STAT3: variants seen among roughly 807,000 people sequenced by gnomAD.
STAT3 encodes signal transducer and activator of transcription 3.
In STAT3, 7 loss-of-function variants were observed where a neutral mutation model predicts 114.3. That is an observed-to-expected ratio of 0.06 (90% CI 0.03 to 0.11). The LOEUF (loss-of-function observed/expected upper bound fraction) is 0.11, where lower values mean the gene tolerates loss of function less well. Ranked by LOEUF, STAT3 falls within the 10% of genes least tolerant of loss-of-function variation. STAT3 has a pLI of 1.00. For missense variants in STAT3, 364 were observed against 960.9 expected (o/e 0.38, Z 8.21); for synonymous variants, 331 against 354.5 (o/e 0.93, Z 0.74).
At chr17:42,348,775 C>T (rs746396363) in intron 1 of STAT3, among the ~76,000 whole-genome samples, 2 of 152,148 alleles carry the variant, frequency 1.3e-5, no homozygotes, top group African/African-American at 2.4e-5. Flanking sequence ...ATCCTCCCAC[C>T]TTGGCCTCCC....
chr17:42,384,372 C>T (rs1165923604), intron 1 of STAT3, among the ~76,000 whole-genome samples: 1 of 152,020 alleles, frequency 6.6e-6, no homozygotes, highest in African/African-American at 2.4e-5. Flanking sequence ...CCTCGTGATC[C>T]GCGCGTCTGG....
At chr17:42,323,836 G>A (rs934175071) in intron 17 of STAT3, among the ~76,000 whole-genome samples, 2 of 152,186 alleles carry the variant, frequency 1.3e-5, no homozygotes, top group African/African-American at 4.8e-5. Context: ...TAGCCCAGCA[G>A]GGATGGAGGG....
intron 1 of STAT3, among the ~76,000 whole-genome samples, chr17:42,381,349 G>A (rs1474104153): frequency 6.6e-6 from 1 of 152,182 alleles, no homozygotes; most frequent in Non-Finnish European, 1.5e-5. Flanking sequence ...GGGGTAGCAG[G>A]AAGGAAAGCC....
chr17:42,368,776 G>A (rs527254384), intron 1 of STAT3, among the ~76,000 whole-genome samples: 2 of 150,054 alleles, frequency 1.3e-5, no homozygotes, highest in East Asian at 3.9e-4. Flanking sequence ...GGGGTTACAC[G>A]TGCAAGTTTG....
chr17:42,353,601 G>T (rs978131368), intron 1 of STAT3, among the ~76,000 whole-genome samples: 1 of 152,074 alleles, frequency 6.6e-6, no homozygotes, highest in South Asian at 2.1e-4. Context: ...TTGAGACAGG[G>T]TCTCTCTCTG....
chr17:42,318,943 C>A (rs2081355707), intron 21 of STAT3, among the ~76,000 whole-genome samples: 1 of 152,178 alleles, frequency 6.6e-6, no homozygotes, highest in Admixed American at 6.5e-5. Flanking sequence ...AATTCTCCAG[C>A]ATTCAAGATA....
chr17:42,385,737 G>C (rs1216082114), intron 1 of STAT3, among the ~76,000 whole-genome samples: 1 of 152,028 alleles, frequency 6.6e-6, no homozygotes, highest in East Asian at 1.9e-4. Context: ...TGACATTTAG[G>C]TCATGACTGT....
chr17:42,332,537 CAAA>C (rs759010924), intron 10 of STAT3, among the ~76,000 whole-genome samples: 3 of 40,784 alleles, frequency 7.4e-5, no homozygotes, highest in African/African-American at 1.3e-4. Flanking sequence ...GACTCCATCT[CAAA>C]AAAAAAAAAA....
chr17:42,322,220 G>T, intron 21 of STAT3, 62 bp downstream of exon 21: 1 of 1,545,412 alleles, frequency 6.5e-7, no homozygotes, highest in Non-Finnish European at 8.9e-7. Context: ...TATCCTCCAA[G>T]GATCCCAAAA....
At chr17:42,318,259 T>C (rs1053420950) in intron 21 of STAT3, among the ~76,000 whole-genome samples, 2 of 152,098 alleles carry the variant, frequency 1.3e-5, no homozygotes, top group Admixed American at 1.3e-4. Context: ...AGTAGCTGGA[T>C]TACAGGCATC....
chr17:42,368,471 G>GT (rs1036053072), intron 1 of STAT3, among the ~76,000 whole-genome samples: 2 of 152,074 alleles, frequency 1.3e-5, no homozygotes, highest in Non-Finnish European at 2.9e-5. Flanking sequence ...GTTTTGTTTT[G>GT]TTTTTTGAGA....
chr17:42,317,058 G>C, intron 22 of STAT3, 124 bp downstream of exon 22: 1 of 1,575,576 alleles, frequency 6.3e-7, no homozygotes, highest in Non-Finnish European at 8.6e-7. Flanking sequence ...AGGTCACTTT[G>C]AGTACTAAAC....
At position 42,337,464 on chromosome 17, in the gene STAT3, G is replaced by C; in HGVS notation, c.768C>G (p.Pro256=). Reference sequence around the variant, plus strand: ...TTTCTAGCCGATCTAGGCAGATGTTGGGCGGGCCTCCAATGCAGGCAATCT... The same window carrying C: ...TTTCTAGCCGATCTAGGCAGATGTTCGGCGGGCCTCCAATGCAGGCAATCT... The part of the protein sequence containing the change: ...RQQIACIGGP[P]NICLDRLENW... Residue 256 remains proline, a synonymous_variant, in exon 8 of 24, where the codon CCC becomes CCG. Transcript: ENST00000264657. This position sits in a 1 kb window ranked among gnomAD's most constrained non-coding sequence, Gnocchi z 4.0. 1 of 1,614,098 alleles carries C rather than the reference G, an allele frequency of 6.2e-7. No individual in the cohort carries two copies. Among genetic ancestry groups the C allele is most frequent in the Non-Finnish European group, 8.5e-7 (1 of 1,180,028 alleles).
intron 21 of STAT3, among the ~76,000 whole-genome samples, chr17:42,318,439 C>G (rs2081338123): frequency 6.6e-6 from 1 of 152,152 alleles, no homozygotes; most frequent in Non-Finnish European, 1.5e-5. Flanking sequence ...GCCACAATGC[C>G]CAGCCCATAT....
chr17:42,333,833 C>A lies in STAT3; in HGVS notation c.956+58G>T. On this transcript the variant is annotated intron_variant, in intron 9 of 23. Coordinates refer to ENST00000264657, the MANE Select transcript of STAT3 (RefSeq NM_139276.3). This position sits in a 1 kb window ranked among gnomAD's most constrained non-coding sequence, Gnocchi z 5.2. ...AGAAGTCAGCCCGCCTCTCACTCTA[C>A]CACGTGAGTCTTTAGGTATTTTTTA... 6.2e-7 allele frequency: 1 copy of A among 1,613,968 alleles called. No individual in the cohort carries two copies.
chr17:42,345,297 T>G, intron 4 of STAT3: 1 of 441,388 alleles, frequency 2.3e-6, no homozygotes, highest in Non-Finnish European at 4.0e-6. Flanking sequence ...CAAAGAAAAT[T>G]TGTCAGAACA....
At chr17:42,375,702 G>A (rs1007326239) in intron 1 of STAT3, among the ~76,000 whole-genome samples, 1 of 151,922 alleles carries the variant, frequency 6.6e-6, no homozygotes, top group Non-Finnish European at 1.5e-5. Context: ...GGTGGCACAT[G>A]CCTGTAATCC....
Position 42,324,576 on chromosome 17 carries a change from G to A in STAT3, c.1600+135C>T. 1 of 1,298,690 alleles carries A rather than the reference G, an allele frequency of 7.7e-7. No homozygotes were observed. Among genetic ancestry groups the A allele is most frequent in the Non-Finnish European group, 1.1e-6 (1 of 944,024 alleles). 80.4% of individuals were successfully genotyped at this position (1,298,690 alleles called of 1,614,324 possible). The stretch of plus-strand genomic sequence containing the variant: ...CAACTCCCCAACTCCCCTGTTTCCT[G>A]GCACCAGCACAGCGCCTTGCTCAGG... On this transcript the variant is annotated intron_variant, in intron 17 of 23. Transcript: ENST00000264657. This position sits in a 1 kb window ranked among gnomAD's most constrained non-coding sequence, Gnocchi z 4.5.
rs774912379 is a variant in STAT3 at position 42,316,696 on chromosome 17, G to A, written c.2257+93C>T. 6.3e-6 allele frequency: 10 copies of A among 1,577,744 alleles called. No homozygotes were observed. The East Asian group carries it at 1.4e-4, about 22-fold the overall frequency. On this transcript the variant is annotated intron_variant, in intron 23 of 23. Transcript: ENST00000264657. ...AAGCTCTAGAATCTCCTACCATTCC[G>A]AGTGACCAGCTCTCGGTGTGTACAT...
Sources: gnomAD v4.1 joint callset for allele counts (sites outside exome capture counted in the v4.1 genomes callset) on GRCh38, gnomAD v4.1.1 for gene constraint, Gnocchi (gnomAD v3.1) non-coding constraint, MANE v1.5 for transcripts, NCBI Gene and HGNC (gene_info 2026-07-23, HGNC 2026-07-21) for gene names.